Variants in MYO1D observed in about 807,000 individuals in gnomAD.
MYO1D encodes the protein unconventional myosin-Id.
Under a neutral mutation model 122.0 loss-of-function variants are expected in MYO1D, and 83 were observed. The observed-to-expected ratio is 0.68, with a 90% confidence interval of 0.57 to 0.82. The LOEUF (loss-of-function observed/expected upper bound fraction) is 0.82, where lower values mean the gene tolerates loss of function less well. MYO1D is among the 40% of genes least tolerant of loss of function. The pLI, the probability that MYO1D is intolerant of heterozygous loss-of-function variation, is 0.00. For missense variants in MYO1D, 1,157 were observed against 1,269.5 expected, an observed-to-expected ratio of 0.91 and a Z score of 1.35; for synonymous variants, 464 against 446.9, an observed-to-expected ratio of 1.04 and a Z score of -0.48.
At position 32,755,486 on chromosome 17, in the gene MYO1D, C is replaced by T; in HGVS notation, c.1467+6G>A. The T allele has an allele frequency of 6.2e-7, 1 of 1,612,834 alleles. No individual in the cohort carries two copies. The highest frequency in any genetic ancestry group is 8.5e-7 in the Non-Finnish European group (1 of 1,179,210). On this transcript the variant is annotated splice_donor_region_variant and intron_variant, in intron 11 of 21. Coordinates refer to ENST00000318217, the MANE Select transcript of MYO1D (RefSeq NM_015194.3). The stretch of plus-strand genomic sequence containing the variant: ...AAAAGGAAGAAGGTGTCATTAAACA[C>T]ATTACCTTTCGGCTGGAAAAATGGG...
At chr17:32,874,641 G>A (rs982390245) in intron 1 of MYO1D, among the ~76,000 whole-genome samples, 3 of 152,078 alleles carry the variant, frequency 2.0e-5, no homozygotes, top group South Asian at 2.1e-4. Context: ...TGCAGCATTC[G>A]GCCGGGCATG....
chr17:32,517,646 G>A (rs1909940688), intron 21 of MYO1D, among the ~76,000 whole-genome samples: 1 of 152,132 alleles, frequency 6.6e-6, no homozygotes, highest in South Asian at 2.1e-4. Context: ...AACCGTTTAA[G>A]CATCACCCTC....
At chr17:32,743,009 C>T in intron 13 of MYO1D, among the ~76,000 whole-genome samples, 1 of 152,198 alleles carries the variant, frequency 6.6e-6, no homozygotes, top group East Asian at 1.9e-4. Flanking sequence ...CTGCTTTTGA[C>T]AAGATTTGAT....
At chr17:32,532,738 A>AC (rs1378953067) in intron 21 of MYO1D, among the ~76,000 whole-genome samples, 2 of 151,856 alleles carry the variant, frequency 1.3e-5, no homozygotes, top group East Asian at 1.9e-4. Flanking sequence ...AAAAAAAAAA[A>AC]AAAAACCAAA....
intron 21 of MYO1D, among the ~76,000 whole-genome samples, chr17:32,500,587 G>C (rs983168767): frequency 1.3e-5 from 2 of 152,162 alleles, no homozygotes; most frequent in Non-Finnish European, 2.9e-5. Context: ...GAGTGACTAC[G>C]TGTGTTGAGC....
At chr17:32,792,632 TTTA>T (rs2090366140) in intron 1 of MYO1D, 1 of 152,206 alleles carries the variant, frequency 6.6e-6, no homozygotes, top group Non-Finnish European at 1.5e-5. Flanking sequence ...GAGTAGGAGC[TTTA>T]TTTTATTTTT....
chr17:32,749,850 C>T (rs886551891), intron 11 of MYO1D, among the ~76,000 whole-genome samples: 1 of 152,154 alleles, frequency 6.6e-6, no homozygotes, highest in Non-Finnish European at 1.5e-5. Flanking sequence ...TAAGGAGGAC[C>T]ATACTGAAGG....
rs112990357 is a variant in MYO1D at position 32,690,427 on chromosome 17, G to A, written c.2121+21561C>T. ...TGAGCTCAGGCAATCTGCCTGACCCGGCCTCCCAAAGTACTGGGATTACAG... is the reference window on the plus strand; with the variant it reads ...TGAGCTCAGGCAATCTGCCTGACCCAGCCTCCCAAAGTACTGGGATTACAG... On this transcript the variant is annotated intron_variant, in intron 16 of 21. Transcript: ENST00000318217. Among the ~76,000 whole-genome samples, 234 of 152,170 alleles carry A rather than the reference G, an allele frequency of 1.5e-3. 1 individual carries two copies. Among genetic ancestry groups the A allele is most frequent in the African/African-American group, 5.3e-3 (218 of 41,504 alleles).
intron 21 of MYO1D, among the ~76,000 whole-genome samples, chr17:32,588,984 AC>A (rs2087415233): frequency 6.6e-6 from 1 of 151,676 alleles, no homozygotes; most frequent in African/African-American, 2.4e-5. Flanking sequence ...AAAAAAACCC[AC>A]AAAAAACAAA....
chr17:32,537,731 A>G (rs574972335), intron 21 of MYO1D, among the ~76,000 whole-genome samples: 1 of 152,382 alleles, frequency 6.6e-6, no homozygotes, highest in Non-Finnish European at 1.5e-5. Flanking sequence ...TCATCCTAGT[A>G]CGCTACCTGG....
At chr17:32,863,243 T>A (rs2470219) in intron 1 of MYO1D, among the ~76,000 whole-genome samples, 53,995 of 152,156 alleles carry the variant, frequency 0.35, 10,990 homozygotes, top group East Asian at 0.53. Flanking sequence ...GGCAGTAATA[T>A]GTTTTAGAGT....
intron 20 of MYO1D, among the ~76,000 whole-genome samples, chr17:32,625,908 G>C (rs554795393): frequency 2.8e-4 from 43 of 152,312 alleles, no homozygotes; most frequent in African/African-American, 1.0e-3. Context: ...ACTGGCCTAG[G>C]TCAAACACAC....
chr17:32,514,812 G>A (rs796282077), intron 21 of MYO1D, among the ~76,000 whole-genome samples: 7 of 152,326 alleles, frequency 4.6e-5, no homozygotes, highest in Admixed American at 1.3e-4. Flanking sequence ...AAAGAGATGC[G>A]GACAGGGGCC....
At chr17:32,756,178 C>T in intron 10 of MYO1D, 1 of 224,336 alleles carries the variant, frequency 4.5e-6, no homozygotes, top group Non-Finnish European at 8.9e-6. Flanking sequence ...ATAACGATGG[C>T]TGCAGTTGCC....
At chr17:32,600,988 G>A (rs2087555901) in intron 21 of MYO1D, among the ~76,000 whole-genome samples, 1 of 131,420 alleles carries the variant, frequency 7.6e-6, no homozygotes, top group Admixed American at 8.3e-5. Context: ...GTCTTGTTCT[G>A]TCACCCAGGT....
At chr17:32,576,110 T>C (rs996365897) in intron 21 of MYO1D, among the ~76,000 whole-genome samples, 1 of 152,190 alleles carries the variant, frequency 6.6e-6, no homozygotes, top group East Asian at 1.9e-4. Context: ...AGTTCACTCT[T>C]AGGTAGATCA....
At chr17:32,846,026 C>T (rs1567669689) in intron 1 of MYO1D, among the ~76,000 whole-genome samples, 1 of 152,002 alleles carries the variant, frequency 6.6e-6, no homozygotes, top group Non-Finnish European at 1.5e-5. Context: ...ACAACGAAAG[C>T]CTGAAGGGTG....
rs146158014 is a variant in MYO1D, at chr17:32,740,164, C to T, written c.1614-1779G>A. Among the ~76,000 whole-genome samples, 6 of 152,288 alleles carry T rather than the reference C, an allele frequency of 3.9e-5. No homozygotes were observed. The East Asian group carries it at 1.2e-3, about 29-fold the overall frequency. On this transcript the variant is annotated intron_variant, in intron 13 of 21. Transcript: ENST00000318217. ...TACAGTGCACATGGTGCCTGAATGC[C>T]ATTCTAACATTTACTGAATAGAATT...
chr17:32,608,422 G>A (rs965179019), intron 20 of MYO1D, among the ~76,000 whole-genome samples: 8 of 152,156 alleles, frequency 5.3e-5, no homozygotes, highest in Non-Finnish European at 1.0e-4. Context: ...AAACTGCAAT[G>A]GGAACCACTG....
Sources: allele counts gnomAD v4.1 joint callset (sites outside exome capture counted in the v4.1 genomes callset), GRCh38; gene constraint gnomAD v4.1.1; transcripts MANE v1.5; gene names NCBI Gene and HGNC (gene_info 2026-07-23, HGNC 2026-07-21).